The following YES1 variants were observed in gnomAD, a reference collection of about 807,000 sequenced individuals.
YES1 encodes the protein tyrosine-protein kinase Yes.
A neutral mutation model predicts 70.4 loss-of-function variants in YES1; 39 were observed. The observed-to-expected ratio is 0.55, with a 90% CI of 0.43 to 0.72. YES1 has a LOEUF of 0.72. Among genes scored for constraint, YES1 ranks in the 30% least tolerant of loss-of-function variants. The pLI, the probability that YES1 is intolerant of heterozygous loss-of-function variation, is 0.00. For synonymous variants in YES1, 198 were observed against 218.6 expected (o/e 0.91, Z 0.83); for missense variants, 495 against 644.8 (o/e 0.77, Z 2.52).
intron 1 of YES1, among the ~76,000 whole-genome samples, chr18:772,501 C>T (rs1019392675): frequency 4.6e-5 from 7 of 151,814 alleles, no homozygotes; most frequent in Admixed American, 3.9e-4. Flanking sequence ...GGTGCGATCT[C>T]GGCTCACTGC....
chr18:757,490 G>A (rs1260990813), intron 1 of YES1, among the ~76,000 whole-genome samples: 18 of 128,154 alleles, frequency 1.4e-4, no homozygotes, highest in East Asian at 4.6e-4. Flanking sequence ...GCGACAGAGC[G>A]AGACTCCGTC....
At chr18:796,251 T>C (rs774905926) in intron 1 of YES1, among the ~76,000 whole-genome samples, 1 of 152,206 alleles carries the variant, frequency 6.6e-6, no homozygotes, top group Non-Finnish European at 1.5e-5. Context: ...GTTACAGTCC[T>C]AGCGTGTAAT....
rs77690741 is a variant in YES1 at position 746,767 on chromosome 18, A to C, written c.471-716T>G. Among the ~76,000 whole-genome samples the C allele has an allele frequency of 4.6e-4, 70 of 152,316 alleles. No individual in the cohort carries two copies. In the East Asian group the frequency reaches 0.01, roughly 22 times the overall value. ...TTAACCTAAAAGTAGTGTGTCACTG[A>C]AGGTGAATTTTTACTTTTTAAAAGT... is the stretch of plus-strand genomic sequence containing the variant. On this transcript the variant is annotated intron_variant, in intron 4 of 11. Coordinates refer to ENST00000314574, the MANE Select transcript of YES1 (RefSeq NM_005433.4).
intron 1 of YES1, among the ~76,000 whole-genome samples, chr18:762,996 AG>A (rs1904673088): frequency 1.3e-5 from 2 of 152,234 alleles, no homozygotes; most frequent in African/African-American, 4.8e-5. Context: ...AGTTTTGCAA[AG>A]GAAGTGGTAT....
intron 1 of YES1, among the ~76,000 whole-genome samples, chr18:760,704 T>C (rs894344730): frequency 1.3e-5 from 2 of 152,192 alleles, no homozygotes. Flanking sequence ...TAAAAGGCAG[T>C]TGCTTCTAAA....
chr18:801,169 A>T (rs185528308), intron 1 of YES1, among the ~76,000 whole-genome samples: 294 of 152,094 alleles, frequency 1.9e-3, no homozygotes, highest in Middle Eastern at 6.8e-3. Context: ...AATAAAAAAT[A>T]AAAATAAAAT....
rs150920374 is a variant in YES1 at position 798,416 on chromosome 18, C to T, written c.-9+13698G>A. Among the ~76,000 whole-genome samples the T allele has an allele frequency of 4.5e-3, 685 of 152,226 alleles. 3 individuals carry two copies. Among genetic ancestry groups the T allele is most frequent in the African/African-American group, 0.016 (654 of 41,534 alleles). On this transcript the variant is annotated intron_variant, in intron 1 of 11. Transcript: ENST00000314574. ...CTTCACAACCCTCTTTTCTACTTGA[C>T]ATTTGTTATGAGTTTCTCCTTCTGA...
chr18:763,917 C>T lies in YES1; in HGVS notation c.-8-7082G>A, dbSNP rs923190318. On this transcript the variant is annotated intron_variant, in intron 1 of 11. Coordinates refer to ENST00000314574, the MANE Select transcript of YES1 (RefSeq NM_005433.4). ...CGGGCAGATCATGAGGTCAGGAGAT[C>T]GAGACCATCCTGGCTAACAGGGCGA... Among the ~76,000 whole-genome samples the T allele has an allele frequency of 1.4e-4, 21 of 151,792 alleles. 1 individual carries two copies. Among genetic ancestry groups the T allele is most frequent in the South Asian group, 1.0e-3 (5 of 4,800 alleles).
At chr18:733,051 AAT>A in intron 10 of YES1, 86 bp from the exon 11 acceptor site, 1 of 1,337,402 alleles carries the variant, frequency 7.5e-7, no homozygotes, top group Non-Finnish European at 1.1e-6. Flanking sequence ...ATGTTCTGTC[AAT>A]ATCTCTACTG....
intron 1 of YES1, among the ~76,000 whole-genome samples, chr18:763,177 C>G (rs954719607): frequency 7.2e-5 from 11 of 152,096 alleles, no homozygotes; most frequent in Admixed American, 4.6e-4. Context: ...CTGGGTAGGA[C>G]AGGCAGCTAG....
chr18:800,603 T>C (rs1000672157), intron 1 of YES1, among the ~76,000 whole-genome samples: 1 of 152,014 alleles, frequency 6.6e-6, no homozygotes, highest in Non-Finnish European at 1.5e-5. Flanking sequence ...ATTGGAGAAA[T>C]AAAAGGAAGC....
chr18:809,086 G>C (rs1040139314), intron 1 of YES1, among the ~76,000 whole-genome samples: 3 of 152,096 alleles, frequency 2.0e-5, no homozygotes. Flanking sequence ...GAAAAACAGA[G>C]TATTTGATGA....
intron 1 of YES1, among the ~76,000 whole-genome samples, chr18:782,758 A>C (rs1905738487): frequency 6.6e-6 from 1 of 152,176 alleles, no homozygotes; most frequent in Non-Finnish European, 1.5e-5. Flanking sequence ...GCAGCGGCAC[A>C]ATCTCGGCTC....
chr18:774,266 C>T (rs1905277355), intron 1 of YES1, among the ~76,000 whole-genome samples: 1 of 152,198 alleles, frequency 6.6e-6, no homozygotes, highest in South Asian at 2.1e-4. Flanking sequence ...AAGACTTCTC[C>T]ATTTACATTC....
At chr18:794,713 T>C (rs1042039695) in intron 1 of YES1, among the ~76,000 whole-genome samples, 9 of 152,224 alleles carry the variant, frequency 5.9e-5, no homozygotes, top group African/African-American at 1.9e-4. Flanking sequence ...TAGCTGGCAA[T>C]CCTTCGTGCT....
intron 10 of YES1, among the ~76,000 whole-genome samples, chr18:735,011 G>A (rs184816605): frequency 6.6e-6 from 1 of 152,014 alleles, no homozygotes; most frequent in African/African-American, 2.4e-5. Context: ...ACAAAAATTA[G>A]CCGGGCCTGG....
chr18:752,940 A>G (rs1030947242), intron 2 of YES1, among the ~76,000 whole-genome samples: 4 of 152,168 alleles, frequency 2.6e-5, no homozygotes, highest in Non-Finnish European at 5.9e-5. Context: ...AAGACTCTGT[A>G]TCAAAAAAAT....
At chr18:755,850 A>T (rs952017100) in intron 2 of YES1, among the ~76,000 whole-genome samples, 2 of 152,174 alleles carry the variant, frequency 1.3e-5, no homozygotes, top group African/African-American at 4.8e-5. Flanking sequence ...TCAGTGAAAA[A>T]GCATCCTGAT....
chr18:798,612 T>G (rs1004020675), intron 1 of YES1, among the ~76,000 whole-genome samples: 4 of 152,186 alleles, frequency 2.6e-5, no homozygotes, highest in African/African-American at 9.7e-5. Flanking sequence ...TTCTTTGATA[T>G]GGCTAATTAG....
Sources: allele counts gnomAD v4.1 joint callset (sites outside exome capture counted in the v4.1 genomes callset), GRCh38; gene constraint gnomAD v4.1.1; transcripts MANE v1.5; gene names NCBI Gene and HGNC (gene_info 2026-07-23, HGNC 2026-07-21).